ATRNL1: variants seen among roughly 807,000 people sequenced by gnomAD.
ATRNL1 encodes the protein attractin-like protein 1.
Under a neutral mutation model 182.7 loss-of-function variants are expected in ATRNL1, and 95 were observed. That is an observed-to-expected ratio of 0.52 (90% CI 0.44 to 0.62). ATRNL1 has a LOEUF of 0.62. Ranked by LOEUF, ATRNL1 falls within the 20% of genes least tolerant of loss-of-function variation. The pLI is 0.00. For missense variants in ATRNL1, 1,471 were observed against 1,679.5 expected (o/e 0.88, Z 2.17); for synonymous variants, 576 against 568.3 (o/e 1.01, Z -0.19).
At chr10:115,741,106 A>C (rs1593153906) in intron 27 of ATRNL1, among the ~76,000 whole-genome samples, 2 of 152,196 alleles carry the variant, frequency 1.3e-5, no homozygotes, top group Admixed American at 1.3e-4. Flanking sequence ...GGAGGTAGAT[A>C]TGGAAAATAT....
At chr10:115,848,089 A>C (rs1555099468) in intron 28 of ATRNL1, 98 bp downstream of exon 28, 2 of 710,376 alleles carry the variant, frequency 2.8e-6, no homozygotes, top group African/African-American at 1.8e-5. Context: ...GGACCTTTGC[A>C]AGGTTCTAAT....
At chr10:115,354,063 T>G (rs181024196) in intron 19 of ATRNL1, among the ~76,000 whole-genome samples, 1 of 152,288 alleles carries the variant, frequency 6.6e-6, no homozygotes, top group African/African-American at 2.4e-5. Context: ...CCGCAGCTTG[T>G]GGGCCACATG....
chr10:115,529,651 A>T (rs1851447019), intron 25 of ATRNL1, among the ~76,000 whole-genome samples: 1 of 152,012 alleles, frequency 6.6e-6, no homozygotes, highest in South Asian at 2.1e-4. Flanking sequence ...TATGTCTTTT[A>T]TCCTCCTGAA....
chr10:115,225,745 T>C (rs1849669506), intron 9 of ATRNL1, among the ~76,000 whole-genome samples: 1 of 151,266 alleles, frequency 6.6e-6, no homozygotes, highest in African/African-American at 2.4e-5. Context: ...TCAGACCAAA[T>C]TATGACAATT....
At chr10:115,767,204 C>T (rs1321655213) in intron 27 of ATRNL1, among the ~76,000 whole-genome samples, 4 of 152,182 alleles carry the variant, frequency 2.6e-5, no homozygotes, top group African/African-American at 9.7e-5. Flanking sequence ...ACCATATCTT[C>T]AACTCTGTAG....
intron 9 of ATRNL1, among the ~76,000 whole-genome samples, chr10:115,225,863 A>G (rs1288369693): frequency 6.6e-6 from 1 of 151,004 alleles, no homozygotes; most frequent in African/African-American, 2.4e-5. Context: ...TTGGAAATTG[A>G]CATGGTGATT....
intron 26 of ATRNL1, among the ~76,000 whole-genome samples, chr10:115,631,149 T>A (rs996787111): frequency 6.6e-6 from 1 of 152,000 alleles, no homozygotes; most frequent in East Asian, 1.9e-4. Context: ...AGAGATCTAA[T>A]GTGCAGCATG....
At chr10:115,182,899 G>C (rs999220580) in intron 8 of ATRNL1, among the ~76,000 whole-genome samples, 1 of 150,934 alleles carries the variant, frequency 6.6e-6, no homozygotes, top group African/African-American at 2.4e-5. Flanking sequence ...TACACGATAG[G>C]ATAAAAAATA....
chr10:115,372,676 A>C (rs574424455), intron 19 of ATRNL1, among the ~76,000 whole-genome samples: 2 of 152,268 alleles, frequency 1.3e-5, no homozygotes, highest in Admixed American at 6.5e-5. Context: ...GAAGATCAAT[A>C]GACTCTATGG....
chr10:115,549,672 C>T, intron 26 of ATRNL1, 136 bp downstream of exon 26: 1 of 516,828 alleles, frequency 1.9e-6, no homozygotes. Flanking sequence ...AAAAATCACT[C>T]TAGTATTTTT....
intron 26 of ATRNL1, among the ~76,000 whole-genome samples, chr10:115,697,760 TA>T (rs1315271867): frequency 6.6e-6 from 1 of 152,210 alleles, no homozygotes; most frequent in Non-Finnish European, 1.5e-5. Flanking sequence ...GTCTTTATCT[TA>T]ATGCCTCTCT....
intron 25 of ATRNL1, among the ~76,000 whole-genome samples, chr10:115,543,377 G>A (rs1852470869): frequency 6.6e-6 from 1 of 151,592 alleles, no homozygotes. Context: ...TAATATGTTC[G>A]TTTGTAAGAA....
chr10:115,879,176 A>G (rs782519293), intron 28 of ATRNL1, among the ~76,000 whole-genome samples: 7 of 152,142 alleles, frequency 4.6e-5, no homozygotes, highest in Admixed American at 1.3e-4. Context: ...GCATGGTGAT[A>G]CATGCCTGTA....
intron 27 of ATRNL1, among the ~76,000 whole-genome samples, chr10:115,771,930 T>C (rs777875684): frequency 3.9e-5 from 6 of 152,232 alleles, no homozygotes; most frequent in Non-Finnish European, 5.9e-5. Context: ...GACAGCTTAA[T>C]GGGGCTGCCA....
intron 26 of ATRNL1, among the ~76,000 whole-genome samples, chr10:115,683,085 C>G (rs1946102869): frequency 6.6e-6 from 1 of 151,964 alleles, no homozygotes; most frequent in Admixed American, 6.6e-5. Flanking sequence ...GTTTGTAAAA[C>G]AATGAATACA....
intron 28 of ATRNL1, among the ~76,000 whole-genome samples, chr10:115,891,883 G>A (rs1555111354): frequency 6.6e-6 from 1 of 151,940 alleles, no homozygotes; most frequent in Non-Finnish European, 1.5e-5. Context: ...TCTAAATTTT[G>A]TGCAGTTTAA....
intron 8 of ATRNL1, among the ~76,000 whole-genome samples, chr10:115,196,541 G>A (rs1848367641): frequency 6.6e-6 from 1 of 150,898 alleles, no homozygotes; most frequent in South Asian, 2.1e-4. Flanking sequence ...ACAATATGGA[G>A]TCTTGTAATG....
At chr10:115,326,183 C>A (rs548043434) in intron 18 of ATRNL1, among the ~76,000 whole-genome samples, 46 of 152,206 alleles carry the variant, frequency 3.0e-4, no homozygotes, top group African/African-American at 1.0e-3. Flanking sequence ...ATCGAGAAAA[C>A]CCTATTGTCT....
At chr10:115,598,766 AATAGAAGTCAG>A (rs1490023929) in intron 26 of ATRNL1, among the ~76,000 whole-genome samples, 8 of 152,172 alleles carry the variant, frequency 5.3e-5, no homozygotes, top group African/African-American at 1.9e-4. Context: ...TACCTGACTC[AATAGAAGTCAG>A]CTAAATTCTC....
Sources: gnomAD v4.1 joint callset for allele counts (sites outside exome capture counted in the v4.1 genomes callset) on GRCh38, gnomAD v4.1.1 for gene constraint, MANE v1.5 for transcripts, NCBI Gene and HGNC (gene_info 2026-07-23, HGNC 2026-07-21) for gene names.